Variants in NODAL observed in about 807,000 individuals in gnomAD.
NODAL encodes the protein nodal homolog.
Under a neutral mutation model 34.0 loss-of-function variants are expected in NODAL, and 12 were observed. The ratio of observed to expected loss-of-function variants is 0.35; its 90% CI spans 0.23 to 0.57. The LOEUF is 0.57. NODAL is among the 20% of genes least tolerant of loss of function. The probability of loss-of-function intolerance (pLI) is 0.83; values close to 1 mark genes in which losing one functional copy is unlikely to be tolerated. For missense variants in NODAL, 390 were observed against 444.2 expected, an observed-to-expected ratio of 0.88 and a Z score of 1.10; for synonymous variants, 162 against 186.4, an observed-to-expected ratio of 0.87 and a Z score of 1.07.
At chr10:70,440,377 C>A (rs1315263302) in intron 1 of NODAL, among the ~76,000 whole-genome samples, 1 of 152,188 alleles carries the variant, frequency 6.6e-6, no homozygotes, top group Non-Finnish European at 1.5e-5. Context: ...CCGAGGGTGT[C>A]CCCTGGTCTG....
chr10:70,435,910 T>C lies in NODAL; in HGVS notation c.267A>G (p.Ala89=), dbSNP rs745348267. ...FSFLSQQEDL[A]WAELRLQLSS... is the part of the protein sequence containing the mutation. ...ACAGCTGCAGCCGGAGCTCAGCCCA[T>C]GCCAGATCCTCTTGTTGGCTCAGGA... The change falls in exon 2 of 3, where the codon GCA becomes GCG. Residue 89 remains alanine, a synonymous_variant. Coordinates refer to ENST00000287139, the MANE Select transcript of NODAL (RefSeq NM_018055.5). 1.2e-6 allele frequency: 2 copies of C among 1,614,008 alleles called. No homozygotes were observed. The highest frequency in any genetic ancestry group is 1.7e-5 in the Admixed American group (1 of 60,008).
chr10:70,432,929 G>A lies in NODAL; in HGVS notation c.*7C>T. ...GCAGGCAAATCCAGTCTCCCTCCAG[G>A]ATGTCATCAGAGGCACCCACATTCT... is the stretch of plus-strand genomic sequence containing the variant. On this transcript the variant is annotated 3_prime_UTR_variant, in exon 3 of 3. Transcript: ENST00000287139. 6.2e-7 allele frequency: 1 copy of A among 1,614,066 alleles called. No individual in the cohort carries two copies. Among genetic ancestry groups the A allele is most frequent in the Non-Finnish European group, 8.5e-7 (1 of 1,179,984 alleles).
At chr10:70,443,886 G>A (rs560252224), upstream of NODAL, among the ~76,000 whole-genome samples, 229 of 149,954 alleles carry the variant, frequency 1.5e-3, no homozygotes, top group African/African-American at 5.3e-3. Context: ...GTCTGAACTT[G>A]CCTGAAGATA....
chr10:70,445,537 C>T (rs1231623252), upstream of NODAL, among the ~76,000 whole-genome samples: 1 of 152,230 alleles, frequency 6.6e-6, no homozygotes, highest in Non-Finnish European at 1.5e-5. Flanking sequence ...GGATTACAGG[C>T]ATGAGCCACC....
rs1298589601 is a variant in NODAL at position 70,435,549 on chromosome 10, A to C, written c.628T>G (p.Ser210Ala). ...LSQEQRQLGG[S>A]TLLWEAESSW... is the part of the protein sequence containing the mutation. ...CTCTCGGCTTCCCACAGCAAGGTGG[A>C]CCCACCCAGCTGCCTCTGCTCCTGC... The change falls in exon 2 of 3, where the codon TCC becomes GCC. Residue 210 changes from serine to alanine, a missense_variant. Coordinates refer to ENST00000287139, the MANE Select transcript of NODAL (RefSeq NM_018055.5). The C allele has an allele frequency of 6.2e-7, 1 of 1,614,002 alleles. No homozygotes were observed. The highest frequency in any genetic ancestry group is 1.7e-5 in the Admixed American group (1 of 60,012).
At chr10:70,439,726 C>G (rs759836002) in intron 1 of NODAL, among the ~76,000 whole-genome samples, 3 of 152,208 alleles carry the variant, frequency 2.0e-5, no homozygotes, top group Non-Finnish European at 4.4e-5. Context: ...TCCCACTGCT[C>G]TTAGAAAATG....
intron 1 of NODAL, among the ~76,000 whole-genome samples, chr10:70,436,736 A>C (rs1845361561): frequency 6.6e-6 from 1 of 152,076 alleles, no homozygotes; most frequent in Admixed American, 6.5e-5. Flanking sequence ...AGGTTTCTAA[A>C]GGCTTTCTAG....
intron 2 of NODAL, chr10:70,434,852 T>C (rs764649419): frequency 2.5e-5 from 5 of 200,372 alleles, no homozygotes; most frequent in Admixed American, 5.3e-5. Flanking sequence ...ATTGCCCTCC[T>C]CATCTTACAG....
At chr10:70,442,346 T>C (rs1279309473), upstream of NODAL, among the ~76,000 whole-genome samples, 1 of 152,228 alleles carries the variant, frequency 6.6e-6, no homozygotes, top group Non-Finnish European at 1.5e-5. Context: ...CATCAGGCTC[T>C]TCCCCGACAG....
intron 2 of NODAL, among the ~76,000 whole-genome samples, chr10:70,433,386 TCTC>T (rs1182011176): frequency 4.6e-5 from 7 of 152,116 alleles, no homozygotes; most frequent in African/African-American, 1.2e-4. Flanking sequence ...ATTTTTATGT[TCTC>T]CTATTATTCT....
intron 1 of NODAL, chr10:70,447,823 GC>G: frequency 2.1e-6 from 1 of 467,186 alleles, no homozygotes; most frequent in South Asian, 1.6e-5. Context: ...TGAGGCCCCA[GC>G]CCCTGGTTTA....
intron 2 of NODAL, among the ~76,000 whole-genome samples, chr10:70,433,635 G>C (rs959524620): frequency 2.0e-5 from 3 of 151,682 alleles, no homozygotes; most frequent in African/African-American, 7.3e-5. Context: ...GGCTGGTCTT[G>C]ACCTCCTGGG....
In NODAL at chr10:70,435,589, G is replaced by C. The variant is rs2231959; in HGVS notation, c.588C>G (p.Leu196=). ...TPPATNVLLM[L]YSNLSQEQRQ... is the part of the protein sequence containing the mutation. Reference sequence around the variant, plus strand: ...TCTGCTCCTGCGAGAGGTTGGAGTAGAGCATAAGGAGCACATTGGTGGCAG... The same window carrying C: ...TCTGCTCCTGCGAGAGGTTGGAGTACAGCATAAGGAGCACATTGGTGGCAG... Residue 196 remains leucine, a synonymous_variant, in exon 2 of 3, where the codon CTC becomes CTG. Coordinates refer to ENST00000287139, the MANE Select transcript of NODAL (RefSeq NM_018055.5). 2,233 of 1,614,068 alleles carry C rather than the reference G, an allele frequency of 1.4e-3. 31 individuals are homozygous for C. The African/African-American group carries it at 0.025, about 18-fold the overall frequency.
chr10:70,436,102 A>G, intron 1 of NODAL, 119 bp from the exon 2 acceptor site: 1 of 823,754 alleles, frequency 1.2e-6, no homozygotes, highest in Non-Finnish European at 2.1e-6. Context: ...ATTACCTTCG[A>G]ATTCTCACCC....
intron 1 of NODAL, 147 bp downstream of exon 1, chr10:70,441,327 TA>T (rs1460073981): frequency 1.2e-6 from 1 of 809,290 alleles, no homozygotes; most frequent in Non-Finnish European, 1.9e-6. Context: ...CCCGCAGAGC[TA>T]GGCCCTGGGC....
At chr10:70,441,424 C>T in intron 1 of NODAL, 51 bp downstream of exon 1, 2 of 1,532,566 alleles carry the variant, frequency 1.3e-6, no homozygotes, top group South Asian at 2.4e-5. Flanking sequence ...CTGGACGCGG[C>T]GGAGGCGCCC....
In NODAL at chr10:70,432,513, A is replaced by G. The variant is rs1055710091; in HGVS notation, c.*423T>C. ...ATCTTTGGGGAGGGGGACAGGTCAC[A>G]CACAGACTACTTTGGAGAATACATG... On this transcript the variant is annotated 3_prime_UTR_variant, in exon 3 of 3. Coordinates refer to ENST00000287139, the MANE Select transcript of NODAL (RefSeq NM_018055.5). The G allele has an allele frequency of 3.3e-6, 1 of 305,532 alleles. No homozygotes were observed. Among genetic ancestry groups the G allele is most frequent in the Admixed American group, 4.5e-5 (1 of 22,336 alleles). The allele number at this position is 305,532 out of a possible 1,614,324, so 18.9% of individuals were successfully genotyped here. A position where few individuals can be genotyped will look rare whatever the true frequency, so the allele number is the denominator to read the frequency against.
At chr10:70,435,153 A>C in intron 2 of NODAL, 133 bp downstream of exon 2, 1 of 792,924 alleles carries the variant, frequency 1.3e-6, no homozygotes, top group Non-Finnish European at 2.1e-6. Flanking sequence ...GGTACCTAGC[A>C]CAGGATCCTG....
At chr10:70,441,350 G>A in intron 1 of NODAL, 125 bp downstream of exon 1, 2 of 1,058,616 alleles carry the variant, frequency 1.9e-6, no homozygotes, top group Non-Finnish European at 2.7e-6. Context: ...CGGGACGCCC[G>A]GGCGGCTGCA....
Sources: gnomAD v4.1 joint callset for allele counts (sites outside exome capture counted in the v4.1 genomes callset) on GRCh38, gnomAD v4.1.1 for gene constraint, MANE v1.5 for transcripts, NCBI Gene and HGNC (gene_info 2026-07-23, HGNC 2026-07-21) for gene names.